The following ARHGAP32 variants were observed in gnomAD, a reference collection of about 807,000 sequenced individuals.
The protein encoded by ARHGAP32 is Rho GTPase activating protein 32.
A neutral mutation model predicts 186.5 loss-of-function variants in ARHGAP32; 51 were observed. The ratio of observed to expected loss-of-function variants is 0.27; its 90% CI spans 0.22 to 0.35. ARHGAP32 has a LOEUF of 0.35. Among genes scored for constraint, ARHGAP32 ranks in the 10% least tolerant of loss-of-function variants. The pLI is 1.00. For synonymous variants in ARHGAP32, 950 were observed against 964.3 expected (o/e 0.99, Z 0.27); for missense variants, 2,186 against 2,623.5 (o/e 0.83, Z 3.64).
At chr11:129,243,478 A>T (rs1486675561) in intron 1 of ARHGAP32, among the ~76,000 whole-genome samples, 3 of 152,232 alleles carry the variant, frequency 2.0e-5, no homozygotes, top group Admixed American at 6.5e-5. Flanking sequence ...TTTCTGAATA[A>T]TAAGTGGAAA....
intron 1 of ARHGAP32, among the ~76,000 whole-genome samples, chr11:129,225,874 G>A (rs919539323): frequency 6.6e-6 from 1 of 152,098 alleles, no homozygotes; most frequent in Non-Finnish European, 1.5e-5. Context: ...TGCAAAGAAA[G>A]TATGAGAATG....
intron 15 of ARHGAP32, among the ~76,000 whole-genome samples, chr11:128,984,447 T>C (rs899512267): frequency 1.6e-4 from 25 of 152,050 alleles, no homozygotes; most frequent in Non-Finnish European, 7.4e-5. Context: ...TATGAAAGGT[T>C]AAATAACATG....
Position 128,981,824 on chromosome 11 carries a change from A to T in ARHGAP32, c.1634+5T>A, listed in dbSNP as rs1241277746. 6.3e-7 allele frequency: 1 copy of T among 1,590,810 alleles called. No homozygotes were observed. Among genetic ancestry groups the T allele is most frequent in the East Asian group, 2.2e-5 (1 of 44,740 alleles). ...ACTAAAATTAATAAGTGAAATGCAA[A>T]TTACCTTAACAGGTTTGGAGCCCAA... On this transcript the variant is annotated splice_donor_5th_base_variant and intron_variant, in intron 16 of 22. Coordinates refer to ENST00000682385, the MANE Select transcript of ARHGAP32 (RefSeq NM_001378024.1).
chr11:129,143,472 C>A (rs7350475), intron 2 of ARHGAP32, among the ~76,000 whole-genome samples: 7 of 152,184 alleles, frequency 4.6e-5, no homozygotes, highest in Non-Finnish European at 8.8e-5. Flanking sequence ...TCCGTCCCGC[C>A]TGGAACATGA....
At position 129,213,164 on chromosome 11, in the gene ARHGAP32, G is replaced by A. The variant is rs1029860752; in HGVS notation, c.-4-48737C>T. 7.9e-5 allele frequency among the ~76,000 whole-genome samples: 12 copies of A among 151,894 alleles called. 1 individual carries two copies. Among genetic ancestry groups the A allele is most frequent in the Admixed American group, 1.3e-4 (2 of 15,228 alleles). ...ACTTTTGTATTCACTTCGTAGTTCC[G>A]CTATCTGAAATTTAAATGATATAAA... On this transcript the variant is annotated intron_variant, in intron 1 of 6. Coordinates refer to the ARHGAP32 transcript ENST00000525234.
chr11:129,104,685 A>G (rs1219759255), intron 5 of ARHGAP32, among the ~76,000 whole-genome samples: 1 of 152,002 alleles, frequency 6.6e-6, no homozygotes, highest in East Asian at 1.9e-4. Context: ...AAAAGAAAAA[A>G]CTAAAAGAGA....
intron 1 of ARHGAP32, among the ~76,000 whole-genome samples, chr11:129,229,721 T>C (rs1591707585): frequency 6.6e-6 from 1 of 152,174 alleles, no homozygotes; most frequent in African/African-American, 2.4e-5. Context: ...TTTTTAAAAA[T>C]CCAATTACTT....
intron 2 of ARHGAP32, among the ~76,000 whole-genome samples, chr11:129,154,995 ATGTT>A (rs968611528): frequency 2.0e-5 from 3 of 152,208 alleles, no homozygotes; most frequent in Non-Finnish European, 2.9e-5. Context: ...ACATTTATAA[ATGTT>A]TGGGGAGAAA....
intron 5 of ARHGAP32, among the ~76,000 whole-genome samples, chr11:129,096,760 G>GGCA (rs1373518304): frequency 6.6e-6 from 1 of 152,206 alleles, no homozygotes; most frequent in Non-Finnish European, 1.5e-5. Context: ...TCTGGCTAAA[G>GGCA]TGACTGGCAG....
chr11:129,158,219 A>G (rs1943454237), intron 2 of ARHGAP32, among the ~76,000 whole-genome samples: 1 of 152,188 alleles, frequency 6.6e-6, no homozygotes, highest in Non-Finnish European at 1.5e-5. Flanking sequence ...AATTTCGCAC[A>G]TAACAATATT....
Position 128,974,356 on chromosome 11 carries a change from A to T in ARHGAP32, c.2841T>A (p.Asn947Lys). The T allele has an allele frequency of 6.2e-7, 1 of 1,614,250 alleles. No homozygotes were observed. ...ATTTGTCCCAGGTTGAAGATGATGC[A>T]TTCTGAGCTGTGGTATTTGAGACTG... ...IGTVSNTTAQ[N>K]ASSSTWDKCV... Residue 947 changes from asparagine to lysine, a missense_variant, in exon 21 of 23, where the codon AAT becomes AAA. Asn to Lys is a moderately conservative substitution (Grantham distance 94). This residue lies in a region of ARHGAP32 where 1,502 missense variants were observed against 1,570.0 expected (regional missense o/e 0.96). Coordinates refer to ENST00000682385, the MANE Select transcript of ARHGAP32 (RefSeq NM_001378024.1).
chr11:129,225,747 C>G (rs1440397406), intron 1 of ARHGAP32, among the ~76,000 whole-genome samples: 1 of 152,028 alleles, frequency 6.6e-6, no homozygotes, highest in African/African-American at 2.4e-5. Flanking sequence ...ATGGCCTATA[C>G]ATAGAGGGAA....
Position 128,966,590 on chromosome 11 carries a change from TA to T in ARHGAP32, c.*2316del, listed in dbSNP as rs1945227306. On this transcript the variant is annotated 3_prime_UTR_variant, in exon 23 of 23. Coordinates refer to ENST00000682385, the MANE Select transcript of ARHGAP32 (RefSeq NM_001378024.1). ...ATTTCTAAACCCACAGGACATTTAT[TA>T]ATAAAGAAATTGTTTCGAGGAATTA... is the stretch of plus-strand genomic sequence containing the variant. 6.6e-6 allele frequency: 1 copy of T among 152,250 alleles called. No individual in the cohort carries two copies. Among genetic ancestry groups the T allele is most frequent in the Non-Finnish European group, 1.5e-5 (1 of 68,046 alleles). The allele number at this position is 152,250 out of a possible 1,614,324, so 9.4% of individuals were successfully genotyped here.
At chr11:129,162,807 GACA>G (rs1943558600) in intron 2 of ARHGAP32, among the ~76,000 whole-genome samples, 1 of 152,226 alleles carries the variant, frequency 6.6e-6, no homozygotes, top group African/African-American at 2.4e-5. Context: ...TCATCTTAAT[GACA>G]ACTAGTATTC....
At chr11:129,067,460 A>G (rs567773868) in intron 6 of ARHGAP32, among the ~76,000 whole-genome samples, 1 of 152,140 alleles carries the variant, frequency 6.6e-6, no homozygotes, top group East Asian at 1.9e-4. Context: ...CTATCTTCTA[A>G]TCTTCTCTTG....
intron 10 of ARHGAP32, among the ~76,000 whole-genome samples, chr11:129,047,836 G>A (rs930430028): frequency 3.3e-5 from 5 of 152,126 alleles, no homozygotes; most frequent in African/African-American, 1.2e-4. Context: ...TAGTTTGTCT[G>A]CTATGATTTT....
At chr11:129,024,582 A>T (rs1938749410) in intron 11 of ARHGAP32, among the ~76,000 whole-genome samples, 2 of 152,224 alleles carry the variant, frequency 1.3e-5, no homozygotes, top group South Asian at 4.1e-4. Context: ...TTAAGTATCA[A>T]CTTACACAGT....
At chr11:128,973,517 C>T (rs966429555) in intron 21 of ARHGAP32, 85 bp from the exon 22 acceptor site, 19 of 1,439,786 alleles carry the variant, frequency 1.3e-5, no homozygotes, top group Non-Finnish European at 1.8e-5. Context: ...CCCATGTGAT[C>T]ATTAAAAAAT....
At chr11:128,979,908 A>G (rs1945659679) in intron 18 of ARHGAP32, among the ~76,000 whole-genome samples, 1 of 152,230 alleles carries the variant, frequency 6.6e-6, no homozygotes, top group African/African-American at 2.4e-5. Flanking sequence ...AGAGTAATAG[A>G]ATTTCAGAGC....
Sources: gnomAD v4.1 joint callset for allele counts (sites outside exome capture counted in the v4.1 genomes callset) on GRCh38, gnomAD v4.1.1 for gene constraint, gnomAD v4.1.1 regional missense constraint, MANE v1.5 for transcripts, NCBI Gene and HGNC (gene_info 2026-07-23, HGNC 2026-07-21) for gene names.